Variants in AP3B1 observed in about 807,000 individuals in gnomAD.
The protein encoded by AP3B1 is adaptor related protein complex 3 subunit beta 1, also known as AP-3 complex subunit beta-1.
In AP3B1, 61 loss-of-function variants were observed where a neutral mutation model predicts 132.5. That is an observed-to-expected ratio of 0.46 (90% CI 0.37 to 0.57). The LOEUF is 0.57. AP3B1 is among the 20% of genes least tolerant of loss of function. The probability of loss-of-function intolerance (pLI) is 0.00; values close to 1 mark genes in which losing one functional copy is unlikely to be tolerated. For synonymous variants in AP3B1, 388 were observed against 438.3 expected (o/e 0.89, Z 1.43); for missense variants, 1,120 against 1,289.4 (o/e 0.87, Z 2.01).
chr5:78,285,656 C>G (rs1288188432), intron 1 of AP3B1, among the ~76,000 whole-genome samples: 1 of 110,772 alleles, frequency 9.0e-6, no homozygotes, highest in Non-Finnish European at 2.0e-5. Context: ...CTCTTGGTCC[C>G]TTTCCCCCTT....
At chr5:78,189,711 A>T (rs1387970400) in intron 7 of AP3B1, among the ~76,000 whole-genome samples, 1 of 151,870 alleles carries the variant, frequency 6.6e-6, no homozygotes, top group Non-Finnish European at 1.5e-5. Context: ...CTCTACTGAA[A>T]ATACAAAAAT....
chr5:78,002,520 T>C lies in AP3B1; in HGVS notation c.*382A>G, dbSNP rs1746228803. On this transcript the variant is annotated 3_prime_UTR_variant, in exon 27 of 27. Coordinates refer to ENST00000255194, the MANE Select transcript of AP3B1 (RefSeq NM_003664.5). ...TGAGAGGCCATTTAGACTATCTCTT[T>C]GCTAATTTTTGCTTACTGCTGTAGG... The C allele has an allele frequency of 2.1e-6, 1 of 483,128 alleles. No homozygotes were observed. The highest frequency in any genetic ancestry group is 1.9e-5 in the African/African-American group (1 of 51,298). The allele number at this position is 483,128 out of a possible 1,614,324, so 29.9% of individuals were successfully genotyped here. A position where few individuals can be genotyped will look rare whatever the true frequency, so the allele number is the denominator to read the frequency against.
chr5:78,083,886 GTAAATATT>G (rs1378957728), intron 22 of AP3B1, among the ~76,000 whole-genome samples: 2 of 152,024 alleles, frequency 1.3e-5, no homozygotes, highest in Admixed American at 6.5e-5. Flanking sequence ...GGGTTTCACT[GTAAATATT>G]TTGTTAATTG....
intron 13 of AP3B1, among the ~76,000 whole-genome samples, chr5:78,158,069 T>C (rs1399087262): frequency 6.6e-6 from 1 of 152,212 alleles, no homozygotes; most frequent in Non-Finnish European, 1.5e-5. Flanking sequence ...CACTGAAATG[T>C]ATTTTTTATA....
At chr5:78,109,971 C>CA (rs956228111) in intron 20 of AP3B1, among the ~76,000 whole-genome samples, 3 of 152,038 alleles carry the variant, frequency 2.0e-5, no homozygotes, top group African/African-American at 7.3e-5. Context: ...CAGCAAAACC[C>CA]CCCCCTTGTC....
intron 23 of AP3B1, among the ~76,000 whole-genome samples, chr5:78,036,006 T>G (rs188112288): frequency 2.0e-5 from 3 of 152,238 alleles, no homozygotes; most frequent in Admixed American, 6.5e-5. Flanking sequence ...TCTGACACAT[T>G]AGTAGCAAAT....
At chr5:78,045,640 G>C (rs1370937031) in intron 22 of AP3B1, among the ~76,000 whole-genome samples, 2 of 152,086 alleles carry the variant, frequency 1.3e-5, no homozygotes, top group Non-Finnish European at 2.9e-5. Context: ...CATCAGACCA[G>C]ATACCTATAT....
chr5:78,292,088 CATT>C (rs1449255475), intron 1 of AP3B1, among the ~76,000 whole-genome samples: 2 of 151,934 alleles, frequency 1.3e-5, no homozygotes, highest in Non-Finnish European at 2.9e-5. Flanking sequence ...CTCTCTGTGT[CATT>C]GTTGCAACTT....
Position 78,110,190 on chromosome 5 carries a change from A to G in AP3B1, c.2397+17T>C. Reference sequence around the variant, plus strand: ...AGAATATTTACCTTCAATTACAACAAATGTATAATCTCTTACCTTAGTGAC... The same window carrying G: ...AGAATATTTACCTTCAATTACAACAGATGTATAATCTCTTACCTTAGTGAC... On this transcript the variant is annotated intron_variant, in intron 20 of 26. Coordinates refer to ENST00000255194, the MANE Select transcript of AP3B1 (RefSeq NM_003664.5). The G allele has an allele frequency of 6.3e-7, 1 of 1,593,864 alleles. No homozygotes were observed. Among genetic ancestry groups the G allele is most frequent in the Non-Finnish European group, 8.6e-7 (1 of 1,167,338 alleles).
chr5:78,102,823 T>A (rs1002948895), intron 20 of AP3B1, among the ~76,000 whole-genome samples: 5 of 152,142 alleles, frequency 3.3e-5, no homozygotes, highest in African/African-American at 9.6e-5. Context: ...TGAAGGCAAG[T>A]CTATACCTTA....
At chr5:78,138,655 T>C (rs1464330290) in intron 15 of AP3B1, among the ~76,000 whole-genome samples, 1 of 151,906 alleles carries the variant, frequency 6.6e-6, no homozygotes, top group Non-Finnish European at 1.5e-5. Context: ...CACCATTAGG[T>C]GGTGAGGCCT....
intron 21 of AP3B1, among the ~76,000 whole-genome samples, chr5:78,100,192 G>C (rs1299810729): frequency 1.3e-5 from 2 of 152,062 alleles, no homozygotes; most frequent in Non-Finnish European, 2.9e-5. Context: ...GCAGGTAACA[G>C]TATAAACAGA....
chr5:78,003,115 T>C (rs753283239), intron 26 of AP3B1, 60 bp from the exon 27 acceptor site: 3 of 1,549,874 alleles, frequency 1.9e-6, no homozygotes, highest in Non-Finnish European at 2.7e-6. Context: ...GGAGATAGCA[T>C]ACATTCAAAT....
chr5:78,294,613 G>C lies in AP3B1; in HGVS notation c.-34C>G, dbSNP rs1399330434. 2 of 1,613,176 alleles carry C rather than the reference G, an allele frequency of 1.2e-6. No homozygotes were observed. The highest frequency in any genetic ancestry group is 2.2e-5 in the East Asian group (1 of 44,882). On this transcript the variant is annotated 5_prime_UTR_variant, in exon 1 of 27. Coordinates refer to ENST00000255194, the MANE Select transcript of AP3B1 (RefSeq NM_003664.5). Reference sequence around the variant, plus strand: ...TGCTGGCGGGTGCGGGGTTGGTCCTGCCGGGGGTTCTCTCCAAAAGGTTCC... The same window carrying C: ...TGCTGGCGGGTGCGGGGTTGGTCCTCCCGGGGGTTCTCTCCAAAAGGTTCC...
At chr5:78,226,776 T>C (rs1746416052) in intron 5 of AP3B1, among the ~76,000 whole-genome samples, 1 of 152,086 alleles carries the variant, frequency 6.6e-6, no homozygotes, top group African/African-American at 2.4e-5. Context: ...TTGTAGACAA[T>C]TCTATTTGGA....
intron 2 of AP3B1, among the ~76,000 whole-genome samples, chr5:78,241,406 T>A (rs1747133368): frequency 6.6e-6 from 1 of 152,200 alleles, no homozygotes; most frequent in Non-Finnish European, 1.5e-5. Context: ...TTGCCCAGGC[T>A]GGGTAAAAAC....
chr5:78,112,186 T>C (rs960227509), intron 19 of AP3B1, among the ~76,000 whole-genome samples: 15 of 152,276 alleles, frequency 9.9e-5, no homozygotes, highest in Non-Finnish European at 1.9e-4. Context: ...AAGGAAAGAA[T>C]CAATATTTCC....
intron 7 of AP3B1, among the ~76,000 whole-genome samples, chr5:78,197,704 GAAT>G (rs1280173096): frequency 2.0e-4 from 30 of 151,920 alleles, no homozygotes; most frequent in Non-Finnish European, 4.4e-5. Context: ...AGTTCATAAG[GAAT>G]AATAGAAAAA....
intron 3 of AP3B1, 47 bp from the exon 4 acceptor site, chr5:78,228,286 A>C (rs775325189): frequency 9.2e-6 from 13 of 1,417,516 alleles, no homozygotes; most frequent in Non-Finnish European, 1.3e-5. Flanking sequence ...AAAATTTAAA[A>C]CTCAGTATTT....
Sources: gnomAD v4.1 joint callset for allele counts (sites outside exome capture counted in the v4.1 genomes callset) on GRCh38, gnomAD v4.1.1 for gene constraint, MANE v1.5 for transcripts, NCBI Gene and HGNC (gene_info 2026-07-23, HGNC 2026-07-21) for gene names.